Variants in DNAH14 observed in about 807,000 individuals in gnomAD.
DNAH14 encodes the protein dynein axonemal heavy chain 14, also known as axonemal beta dynein heavy chain 14.
In DNAH14, 478 loss-of-function variants were observed where a neutral mutation model predicts 520.9. The observed-to-expected ratio is 0.92, with a 90% CI of 0.85 to 0.99. The LOEUF (loss-of-function observed/expected upper bound fraction) is 0.99. Among genes scored for constraint, DNAH14 ranks in the 50% least tolerant of loss-of-function variants. The pLI, the probability that DNAH14 is intolerant of heterozygous loss-of-function variation, is 0.00. For missense variants in DNAH14, 4,831 were observed against 5,234.5 expected (o/e 0.92, Z 2.38); for synonymous variants, 1,581 against 1,757.2 (o/e 0.90, Z 2.51).
At chr1:225,214,069 T>C (rs965256624) in intron 41 of DNAH14, among the ~76,000 whole-genome samples, 2 of 152,190 alleles carry the variant, frequency 1.3e-5, no homozygotes, top group African/African-American at 4.8e-5. Flanking sequence ...CTTATTATTT[T>C]GAGATACATC....
intron 26 of DNAH14, 63 bp downstream of exon 26, chr1:225,119,357 T>C (rs1196912226): frequency 1.2e-5 from 13 of 1,126,860 alleles, no homozygotes; most frequent in Non-Finnish European, 1.6e-5. Flanking sequence ...CATATATATA[T>C]ACACACACAT....
intron 39 of DNAH14, among the ~76,000 whole-genome samples, chr1:225,205,377 A>T (rs1356056709): frequency 6.6e-6 from 1 of 152,188 alleles, no homozygotes; most frequent in African/African-American, 2.4e-5. Context: ...AACCACGAAG[A>T]TAGCACCCCC....
At chr1:225,059,598 G>T (rs1285911235) in intron 17 of DNAH14, among the ~76,000 whole-genome samples, 2 of 152,230 alleles carry the variant, frequency 1.3e-5, no homozygotes, top group African/African-American at 4.8e-5. Flanking sequence ...TTGCTCTTTA[G>T]TTGATGCAGT....
intron 31 of DNAH14, among the ~76,000 whole-genome samples, chr1:225,148,899 G>T (rs2080216033): frequency 6.6e-6 from 1 of 152,040 alleles, no homozygotes; most frequent in Non-Finnish European, 1.5e-5. Context: ...TGGGTTGTCT[G>T]TTTACTCTGT....
At chr1:225,171,128 AG>A (rs1022656221) in intron 36 of DNAH14, among the ~76,000 whole-genome samples, 2 of 152,246 alleles carry the variant, frequency 1.3e-5, no homozygotes, top group African/African-American at 4.8e-5. Context: ...CAGTGTGTAG[AG>A]GGAAATTTAT....
chr1:225,285,303 C>A (rs1253019380), intron 54 of DNAH14, among the ~76,000 whole-genome samples: 1 of 152,180 alleles, frequency 6.6e-6, no homozygotes, highest in East Asian at 1.9e-4. Flanking sequence ...AATCCCAGAA[C>A]TTTGGGAGGC....
At chr1:224,994,234 T>C (rs1201665615) in intron 8 of DNAH14, among the ~76,000 whole-genome samples, 2 of 152,040 alleles carry the variant, frequency 1.3e-5, no homozygotes, top group African/African-American at 4.8e-5. Flanking sequence ...TTTTTATGAA[T>C]TTTCTGTCTG....
intron 8 of DNAH14, among the ~76,000 whole-genome samples, chr1:224,993,424 G>A (rs2063186705): frequency 6.6e-6 from 1 of 151,940 alleles, no homozygotes. Flanking sequence ...TTAAGTCTGG[G>A]TAGGTGATAT....
intron 17 of DNAH14, among the ~76,000 whole-genome samples, chr1:225,067,619 C>G (rs2071053171): frequency 6.6e-6 from 1 of 152,140 alleles, no homozygotes; most frequent in Non-Finnish European, 1.5e-5. Context: ...CACAACCTCA[C>G]CAGCATCGGT....
intron 19 of DNAH14, among the ~76,000 whole-genome samples, chr1:225,081,953 T>G (rs2073168436): frequency 6.6e-6 from 1 of 152,106 alleles, no homozygotes; most frequent in African/African-American, 2.4e-5. Context: ...CCCTTGATGT[T>G]CTTCCATATT....
At chr1:224,964,387 C>A (rs1572093987) in intron 4 of DNAH14, 92 bp from the exon 5 acceptor site, 1 of 1,303,970 alleles carries the variant, frequency 7.7e-7, no homozygotes, top group Non-Finnish European at 9.9e-7. Context: ...TTAAATTTTT[C>A]TCTATATAGA....
At chr1:225,152,967 ATGACCTGGGAC>A in intron 33 of DNAH14, 84 bp downstream of exon 33, 1 of 1,358,700 alleles carries the variant, frequency 7.4e-7, no homozygotes, top group Non-Finnish European at 1.0e-6. Context: ...TGGTCCAGGG[ATGACCTGGGAC>A]TGTACCAAAT....
chr1:225,304,778 G>A (rs921510413), intron 57 of DNAH14, 130 bp from the exon 58 acceptor site: 55 of 863,272 alleles, frequency 6.4e-5, no homozygotes, highest in African/African-American at 3.0e-4. Context: ...CTGCTCATCC[G>A]GGAGCTCTCT....
chr1:225,003,424 T>C (rs2063914154), intron 9 of DNAH14, among the ~76,000 whole-genome samples: 1 of 152,084 alleles, frequency 6.6e-6, no homozygotes, highest in African/African-American at 2.4e-5. Flanking sequence ...AACAAGATTC[T>C]AGCAGATTTT....
intron 60 of DNAH14, among the ~76,000 whole-genome samples, chr1:225,310,229 T>C (rs1221602041): frequency 6.6e-6 from 1 of 151,972 alleles, no homozygotes; most frequent in Non-Finnish European, 1.5e-5. Flanking sequence ...GATAATCTTT[T>C]TTTCTCCCTG....
Position 225,165,562 on chromosome 1 carries a change from C to CTTGT in DNAH14, c.5446-2369_5446-2366dup, listed in dbSNP as rs202188752. ...TTATAGATTTTGTTTTTTTTTTTTA[C>CTTGT]TTGTTTGTTTGGTTGGTTGGTTGGT... is the stretch of plus-strand genomic sequence containing the variant. On this transcript the variant is annotated intron_variant, in intron 35 of 85. Coordinates refer to ENST00000682510, the MANE Select transcript of DNAH14 (RefSeq NM_001367479.1). Among the ~76,000 whole-genome samples, 559 of 139,460 alleles carry CTTGT rather than the reference C, an allele frequency of 4.0e-3. 6 individuals are homozygous for CTTGT. Among genetic ancestry groups the CTTGT allele is most frequent in the African/African-American group, 0.013 (517 of 38,934 alleles). The allele number at this position is 139,460 out of a possible 152,430, so 91.5% of individuals were successfully genotyped here.
At chr1:225,261,570 A>G (rs1024815333) in intron 46 of DNAH14, among the ~76,000 whole-genome samples, 2 of 152,076 alleles carry the variant, frequency 1.3e-5, no homozygotes, top group African/African-American at 4.8e-5. Flanking sequence ...TTTTGCATCT[A>G]TGTTCATCAG....
chr1:225,094,702 A>AAAT (rs372523894), intron 21 of DNAH14, among the ~76,000 whole-genome samples: 1 of 147,556 alleles, frequency 6.8e-6, no homozygotes, highest in East Asian at 2.0e-4. Context: ...AAACAAAAAA[A>AAAT]CGCTATCAAC....
At chr1:225,238,001 G>A (rs1481823928) in intron 42 of DNAH14, among the ~76,000 whole-genome samples, 1 of 152,084 alleles carries the variant, frequency 6.6e-6, no homozygotes, top group African/African-American at 2.4e-5. Context: ...GGCTATTCTG[G>A]TTATCAGCTC....
Sources: allele counts gnomAD v4.1 joint callset (sites outside exome capture counted in the v4.1 genomes callset), GRCh38; gene constraint gnomAD v4.1.1; transcripts MANE v1.5; gene names NCBI Gene and HGNC (gene_info 2026-07-23, HGNC 2026-07-21).